The following RCC1 variants were observed in gnomAD, a reference collection of about 807,000 sequenced individuals.
RCC1 encodes the protein regulator of chromosome condensation.
A neutral mutation model predicts 44.4 loss-of-function variants in RCC1; 11 were observed. The ratio of observed to expected loss-of-function variants is 0.25; its 90% CI spans 0.16 to 0.41. The LOEUF (loss-of-function observed/expected upper bound fraction) is 0.41. RCC1 is among the 10% of genes least tolerant of loss of function. The pLI is 1.00. For missense variants in RCC1, 386 were observed against 547.1 expected, an observed-to-expected ratio of 0.71 and a Z score of 2.94; for synonymous variants, 213 against 216.5, an observed-to-expected ratio of 0.98 and a Z score of 0.14.
intron 4 of RCC1, 100 bp from the exon 5 acceptor site, chr1:28,529,758 A>G: frequency 1.1e-6 from 1 of 885,114 alleles, no homozygotes; most frequent in Non-Finnish European, 1.8e-6. Context: ...TTGTTGGGCA[A>G]TTCCTCTTAA....
chr1:28,533,151 T>C (rs1362913756), intron 7 of RCC1, among the ~76,000 whole-genome samples: 1 of 152,112 alleles, frequency 6.6e-6, no homozygotes, highest in Non-Finnish European at 1.5e-5. Context: ...TTTGAAATTT[T>C]CATGGAGAAT....
chr1:28,528,601 C>G (rs1663854272), intron 4 of RCC1, among the ~76,000 whole-genome samples: 1 of 152,166 alleles, frequency 6.6e-6, no homozygotes, highest in Non-Finnish European at 1.5e-5. Context: ...GCGCTCCAGC[C>G]TGGCGACAGA....
intron 3 of RCC1, chr1:28,509,865 A>G (rs775401849): frequency 6.6e-6 from 1 of 152,202 alleles, no homozygotes; most frequent in Non-Finnish European, 1.5e-5. Context: ...AGTTAGACCG[A>G]TTCTTTAGCT....
intron 1 of RCC1, 59 bp from the exon 2 acceptor site, chr1:28,508,069 C>T: frequency 2.4e-6 from 1 of 414,796 alleles, no homozygotes; most frequent in Non-Finnish European, 5.0e-6. Flanking sequence ...AGCATGAGGC[C>T]CCTCGTTGAA....
chr1:28,512,731 CT>C (rs1423302543), intron 3 of RCC1, among the ~76,000 whole-genome samples: 1 of 152,052 alleles, frequency 6.6e-6, no homozygotes, highest in African/African-American at 2.4e-5. Context: ...AGTTCCTTTT[CT>C]ATTCTTTGAT....
At chr1:28,530,698 G>A (rs1013130203) in intron 5 of RCC1, 8 of 1,181,296 alleles carry the variant, frequency 6.8e-6, no homozygotes, top group African/African-American at 1.6e-5. Context: ...GGGGCTGGGC[G>A]CCATTGGCTG....
chr1:28,526,725 A>G (rs984790384), intron 4 of RCC1: 6 of 516,024 alleles, frequency 1.2e-5, no homozygotes, highest in Middle Eastern at 5.3e-4. Context: ...GTGAAATCCC[A>G]TCTCTACTAA....
At chr1:28,527,049 G>T in intron 4 of RCC1, 1 of 824,706 alleles carries the variant, frequency 1.2e-6, no homozygotes, top group Non-Finnish European at 2.2e-6. Flanking sequence ...TCAGGTGCAT[G>T]GTATGAGGAA....
intron 4 of RCC1, among the ~76,000 whole-genome samples, chr1:28,525,582 C>G (rs1208927305): frequency 6.6e-6 from 1 of 152,128 alleles, no homozygotes; most frequent in Non-Finnish European, 1.5e-5. Flanking sequence ...TAGTGTGGGA[C>G]AAGGGGTCTC....
In RCC1 at chr1:28,536,569, G is replaced by T. The variant is rs1664567762; in HGVS notation, c.938-178G>T. On this transcript the variant is annotated intron_variant, in intron 11 of 12. Transcript: ENST00000683442. The surrounding 1 kb of genome is among the most constrained non-coding windows in gnomAD (Gnocchi z 4.9). ...TCTTCCAAGTGTGAGTTCAATGGGG[G>T]CCCATGTAGATTCTCCTAGGCCTCC... Among the ~76,000 whole-genome samples, 1 of 152,058 alleles carries T rather than the reference G, an allele frequency of 6.6e-6. No homozygotes were observed.
At chr1:28,508,223 A>T (rs1356601461) in intron 2 of RCC1, 63 bp downstream of exon 2, 25 of 416,986 alleles carry the variant, frequency 6.0e-5, no homozygotes, top group Non-Finnish European at 1.2e-4. Context: ...CTGTAATGGA[A>T]ATAGGATTGA....
chr1:28,528,046 G>T (rs564079215), intron 4 of RCC1, among the ~76,000 whole-genome samples: 5 of 148,552 alleles, frequency 3.4e-5, no homozygotes, highest in Admixed American at 3.3e-4. Context: ...TCGGCTGTAC[G>T]CAGTGGCTCA....
At chr1:28,531,259 C>CT (rs769808394) in intron 5 of RCC1, among the ~76,000 whole-genome samples, 3,442 of 132,070 alleles carry the variant, frequency 0.026, 185 homozygotes, top group African/African-American at 0.046. Flanking sequence ...GCTTTCTTTT[C>CT]TTTTTCTTTT....
chr1:28,529,851 C>CT lies in RCC1; in HGVS notation c.-9-4dup, dbSNP rs757916459. On this transcript the variant is annotated splice_polypyrimidine_tract_variant and splice_region_variant and intron_variant, in intron 4 of 12. Coordinates refer to ENST00000683442, the MANE Select transcript of RCC1 (RefSeq NM_001381865.2). Reference sequence around the variant, plus strand: ...TTTCTCATATGTAGTATTTGACTGACTTTCAGGACAGGAAGATGTCACCCA... The same window carrying CT: ...TTTCTCATATGTAGTATTTGACTGACTTTTCAGGACAGGAAGATGTCACCCA... 5.0e-6 allele frequency: 8 copies of CT among 1,612,940 alleles called. No individual in the cohort carries two copies. In the African/African-American group the frequency reaches 6.7e-5, roughly 13 times the overall value.
At chr1:28,528,678 T>C (rs994495911) in intron 4 of RCC1, among the ~76,000 whole-genome samples, 1 of 151,886 alleles carries the variant, frequency 6.6e-6, no homozygotes, top group African/African-American at 2.4e-5. Context: ...TTAGATAATA[T>C]AGGAAGATAA....
chr1:28,506,515 G>GC, intron 1 of RCC1: 5 of 272,732 alleles, frequency 1.8e-5, no homozygotes, highest in South Asian at 9.4e-5. Flanking sequence ...CTATATATGG[G>GC]TGTCTTAGGC....
At chr1:28,515,999 A>G (rs1202709536) in intron 3 of RCC1, among the ~76,000 whole-genome samples, 2 of 151,640 alleles carry the variant, frequency 1.3e-5, no homozygotes, top group African/African-American at 4.8e-5. Flanking sequence ...GCTGGCCAAC[A>G]TGGTAAAACC....
chr1:28,529,999 G>A (rs1182769022), intron 5 of RCC1, 60 bp downstream of exon 5: 1 of 1,324,444 alleles, frequency 7.6e-7, no homozygotes, highest in Non-Finnish European at 1.1e-6. Flanking sequence ...TAAGAACCCG[G>A]GACTGGGCTC....
At chr1:28,530,640 C>A (rs1557877370) in intron 5 of RCC1, 1 of 1,575,638 alleles carries the variant, frequency 6.3e-7, no homozygotes, top group South Asian at 1.1e-5. Context: ...GGGGCGCCCT[C>A]TGTGCTGCCA....
Sources: allele counts gnomAD v4.1 joint callset (sites outside exome capture counted in the v4.1 genomes callset), GRCh38; gene constraint gnomAD v4.1.1; non-coding constraint Gnocchi (gnomAD v3.1); transcripts MANE v1.5; gene names NCBI Gene and HGNC (gene_info 2026-07-23, HGNC 2026-07-21).